Variants in CAMTA1 observed in about 807,000 individuals in gnomAD.
The protein encoded by CAMTA1 is calmodulin-binding transcription activator 1.
A neutral mutation model predicts 170.9 loss-of-function variants in CAMTA1; 27 were observed. The observed-to-expected ratio is 0.16, with a 90% CI of 0.12 to 0.22. The LOEUF (loss-of-function observed/expected upper bound fraction) is 0.22. CAMTA1 is among the 10% of genes least tolerant of loss of function. The pLI is 1.00. For synonymous variants in CAMTA1, 833 were observed against 891.5 expected (o/e 0.93, Z 1.17); for missense variants, 1,619 against 2,217.2 (o/e 0.73, Z 5.42).
intron 5 of CAMTA1, among the ~76,000 whole-genome samples, chr1:7,417,125 G>T (rs1383880175): frequency 6.6e-5 from 10 of 152,242 alleles, no homozygotes; most frequent in Non-Finnish European, 1.5e-4. Context: ...CTGCCTGATC[G>T]TTCCTCTGGA....
intron 6 of CAMTA1, among the ~76,000 whole-genome samples, chr1:7,568,966 A>G (rs946208886): frequency 6.6e-6 from 1 of 151,428 alleles, no homozygotes; most frequent in African/African-American, 2.4e-5. Context: ...CATTATCATC[A>G]TCACCACCAC....
chr1:7,571,426 A>G (rs1293185251), intron 6 of CAMTA1, among the ~76,000 whole-genome samples: 1 of 152,144 alleles, frequency 6.6e-6, no homozygotes, highest in Non-Finnish European at 1.5e-5. Flanking sequence ...AGATTATTTC[A>G]TCACTCAGGT....
chr1:7,652,170 C>T (rs1201257689), intron 7 of CAMTA1, among the ~76,000 whole-genome samples: 3 of 152,142 alleles, frequency 2.0e-5, no homozygotes, highest in Non-Finnish European at 4.4e-5. Context: ...AAATTCCCCC[C>T]AAATGCACCT....
chr1:7,643,191 CCTTTCTGAGCCTTCTG>C (rs2095778625), intron 7 of CAMTA1, among the ~76,000 whole-genome samples: 5 of 149,956 alleles, frequency 3.3e-5, no homozygotes, highest in African/African-American at 1.0e-4. Flanking sequence ...GCCTTCCTGG[CCTTTCTGAGCCTTCTG>C]TCTGCTTCTT....
intron 4 of CAMTA1, among the ~76,000 whole-genome samples, chr1:7,228,962 G>C (rs1662198638): frequency 6.6e-6 from 1 of 152,172 alleles, no homozygotes; most frequent in Admixed American, 6.5e-5. Flanking sequence ...AGAGCAGGCT[G>C]AGCCCAGGGG....
intron 6 of CAMTA1, among the ~76,000 whole-genome samples, chr1:7,491,965 C>G (rs546397833): frequency 2.5e-4 from 38 of 152,282 alleles, no homozygotes; most frequent in Non-Finnish European, 4.0e-4. Flanking sequence ...CCCTGGAAGT[C>G]TTGATTGCCA....
At chr1:7,002,520 C>T (rs1468725148) in intron 3 of CAMTA1, among the ~76,000 whole-genome samples, 4 of 152,122 alleles carry the variant, frequency 2.6e-5, no homozygotes, top group East Asian at 1.9e-4. Context: ...TTGTTATTCA[C>T]GGGGTCTAAT....
chr1:7,707,076 G>A (rs2096532145), intron 11 of CAMTA1, among the ~76,000 whole-genome samples: 2 of 151,778 alleles, frequency 1.3e-5, no homozygotes, highest in Non-Finnish European at 2.9e-5. Flanking sequence ...GGTGGAGATG[G>A]GGTTTCACTA....
chr1:7,521,444 C>T (rs1207324369), intron 6 of CAMTA1, among the ~76,000 whole-genome samples: 1 of 152,030 alleles, frequency 6.6e-6, no homozygotes, highest in Non-Finnish European at 1.5e-5. Flanking sequence ...TCCGTTTTCC[C>T]CATTTTTACT....
chr1:6,920,107 A>C (rs938592860), intron 3 of CAMTA1, among the ~76,000 whole-genome samples: 12 of 152,200 alleles, frequency 7.9e-5, no homozygotes, highest in African/African-American at 2.4e-4. Flanking sequence ...ATCTGAGACA[A>C]GGCAAGTCTC....
At chr1:6,995,406 C>T (rs1204507128) in intron 3 of CAMTA1, among the ~76,000 whole-genome samples, 12 of 141,400 alleles carry the variant, frequency 8.5e-5, no homozygotes, top group African/African-American at 2.9e-4. Context: ...TGGGTTCAAG[C>T]GATTCTTTTG....
chr1:7,237,778 C>T (rs1247771052), intron 4 of CAMTA1, among the ~76,000 whole-genome samples: 7 of 152,202 alleles, frequency 4.6e-5, no homozygotes, highest in South Asian at 2.1e-4. Flanking sequence ...GTGGGTTTGC[C>T]GGCTACACCT....
At chr1:7,016,198 C>T (rs886146462) in intron 3 of CAMTA1, among the ~76,000 whole-genome samples, 1 of 152,162 alleles carries the variant, frequency 6.6e-6, no homozygotes, top group Non-Finnish European at 1.5e-5. Context: ...GCTTCTTTCC[C>T]TCAGCCTGAC....
At chr1:7,272,953 A>C (rs1392828103) in intron 5 of CAMTA1, among the ~76,000 whole-genome samples, 2 of 152,210 alleles carry the variant, frequency 1.3e-5, no homozygotes, top group African/African-American at 2.4e-5. Flanking sequence ...ATTTGAATAG[A>C]TATTTCCCCA....
chr1:6,816,270 A>C (rs1391889046), intron 1 of CAMTA1, among the ~76,000 whole-genome samples: 1 of 152,134 alleles, frequency 6.6e-6, no homozygotes, highest in Non-Finnish European at 1.5e-5. Flanking sequence ...ACTCCATTTC[A>C]TTTCCTTTAT....
chr1:6,960,056 C>G (rs1357182144), intron 3 of CAMTA1, among the ~76,000 whole-genome samples: 4 of 152,164 alleles, frequency 2.6e-5, no homozygotes, highest in African/African-American at 9.7e-5. Flanking sequence ...AATAACCAGT[C>G]CCAGGTCACC....
intron 5 of CAMTA1, among the ~76,000 whole-genome samples, chr1:7,441,745 G>A (rs924250240): frequency 2.6e-5 from 4 of 152,134 alleles, no homozygotes; most frequent in African/African-American, 9.7e-5. Context: ...GGGACGGCTG[G>A]CAGGAAGCTA....
chr1:7,380,933 C>G (rs74055403), intron 5 of CAMTA1, among the ~76,000 whole-genome samples: 4,295 of 152,226 alleles, frequency 0.028, 139 homozygotes, highest in African/African-American at 0.074. Context: ...TTATTGAGCA[C>G]TCACTCTGAG....
At chr1:7,429,453 G>A (rs1362739898) in intron 5 of CAMTA1, among the ~76,000 whole-genome samples, 1 of 152,140 alleles carries the variant, frequency 6.6e-6, no homozygotes, top group African/African-American at 2.4e-5. Context: ...TTATGGTGGT[G>A]ATGGTGATGA....
Sources: gnomAD v4.1 joint callset for allele counts (sites outside exome capture counted in the v4.1 genomes callset) on GRCh38, gnomAD v4.1.1 for gene constraint, MANE v1.5 for transcripts, NCBI Gene and HGNC (gene_info 2026-07-23, HGNC 2026-07-21) for gene names.